The following GRM8 variants were observed in gnomAD, a reference collection of about 807,000 sequenced individuals.
The protein encoded by GRM8 is metabotropic glutamate receptor 8.
A neutral mutation model predicts 87.2 loss-of-function variants in GRM8; 47 were observed. The observed-to-expected ratio is 0.54, with a 90% confidence interval of 0.43 to 0.69. GRM8 has a LOEUF of 0.69. GRM8 is among the 30% of genes least tolerant of loss of function. The pLI, the probability that GRM8 is intolerant of heterozygous loss-of-function variation, is 0.00. For missense variants in GRM8, 1,019 were observed against 1,139.2 expected (o/e 0.89, Z 1.52); for synonymous variants, 396 against 404.5 (o/e 0.98, Z 0.25).
At chr7:126,769,002 C>T (rs1260894617) in intron 7 of GRM8, among the ~76,000 whole-genome samples, 3 of 151,378 alleles carry the variant, frequency 2.0e-5, no homozygotes, top group East Asian at 1.9e-4. Flanking sequence ...TTCTGAGAAA[C>T]GCTGGCAACT....
chr7:127,134,137 G>C (rs1827835350), intron 2 of GRM8, among the ~76,000 whole-genome samples: 1 of 152,138 alleles, frequency 6.6e-6, no homozygotes, highest in South Asian at 2.1e-4. Context: ...GTACATAAAA[G>C]TACTGACTAG....
At chr7:127,244,226 G>T (rs989043234) in intron 1 of GRM8, among the ~76,000 whole-genome samples, 11 of 152,196 alleles carry the variant, frequency 7.2e-5, no homozygotes, top group African/African-American at 2.7e-4. Context: ...ATTTGTCGGT[G>T]TGGGAGCAAT....
At chr7:127,125,019 C>T (rs1365154501) in intron 2 of GRM8, among the ~76,000 whole-genome samples, 5 of 152,050 alleles carry the variant, frequency 3.3e-5, no homozygotes, top group East Asian at 1.9e-4. Flanking sequence ...TGATAATGGA[C>T]ATCTGTTGAA....
At chr7:127,059,344 T>G (rs1216458249) in intron 3 of GRM8, among the ~76,000 whole-genome samples, 56 of 148,556 alleles carry the variant, frequency 3.8e-4, no homozygotes, top group African/African-American at 1.3e-3. Context: ...TTTTTTTTTT[T>G]TGTTTTTTTT....
intron 9 of GRM8, among the ~76,000 whole-genome samples, chr7:126,468,676 A>C (rs1804793341): frequency 6.6e-6 from 1 of 152,090 alleles, no homozygotes; most frequent in Non-Finnish European, 1.5e-5. Flanking sequence ...GTCTGTGTCC[A>C]AAAAAGAAAG....
intron 9 of GRM8, among the ~76,000 whole-genome samples, chr7:126,494,742 C>T (rs1808484087): frequency 6.6e-6 from 1 of 152,030 alleles, no homozygotes; most frequent in Admixed American, 6.6e-5. Context: ...TAGCCACTGC[C>T]ACTGTTAAAA....
intron 7 of GRM8, among the ~76,000 whole-genome samples, chr7:126,690,377 G>A (rs1020769561): frequency 2.6e-5 from 4 of 152,198 alleles, no homozygotes; most frequent in African/African-American, 9.6e-5. Flanking sequence ...GGCAGCTCCA[G>A]GCACCTGCAT....
chr7:126,652,136 C>T (rs530580905), intron 7 of GRM8, among the ~76,000 whole-genome samples: 1 of 152,284 alleles, frequency 6.6e-6, no homozygotes, highest in Admixed American at 6.5e-5. Context: ...GAAATATGTT[C>T]ATTTTATTTC....
At chr7:126,883,544 A>G (rs1488246362) in intron 6 of GRM8, among the ~76,000 whole-genome samples, 1 of 152,220 alleles carries the variant, frequency 6.6e-6, no homozygotes, top group East Asian at 1.9e-4. Flanking sequence ...AATCTCTAAT[A>G]TTCCTTCTAA....
intron 9 of GRM8, among the ~76,000 whole-genome samples, chr7:126,532,427 C>T (rs1814957686): frequency 6.6e-6 from 1 of 152,058 alleles, no homozygotes; most frequent in Non-Finnish European, 1.5e-5. Context: ...TCACTATAAA[C>T]TCTGCTTCCA....
chr7:126,718,548 G>A (rs1812015926), intron 7 of GRM8, among the ~76,000 whole-genome samples: 1 of 152,158 alleles, frequency 6.6e-6, no homozygotes, highest in African/African-American at 2.4e-5. Context: ...ACTTTTCAGG[G>A]TGATGCCTCC....
rs538403014 is a variant in GRM8, at chr7:127,015,001, A to AAAGAAGAAGAAG, written c.727+91483_727+91494dup. On this transcript the variant is annotated intron_variant, in intron 3 of 10. Coordinates refer to ENST00000339582, the MANE Select transcript of GRM8 (RefSeq NM_000845.3). ...GAAGGAGAAGAGGAAGAAGAAGAAG[A>AAAGAAGAAGAAG]AAGAAGAAGAAGAAGAAGAAGAAGA... Among the ~76,000 whole-genome samples the AAAGAAGAAGAAG allele has an allele frequency of 5.4e-3, 324 of 59,678 alleles. 4 individuals carry two copies. Among genetic ancestry groups the AAAGAAGAAGAAG allele is most frequent in the Middle Eastern group, 0.027 (3 of 110 alleles). The allele number at this position is 59,678 out of a possible 152,430, so 39.2% of individuals were successfully genotyped here. A position where few individuals can be genotyped will look rare whatever the true frequency, so the allele number is the denominator to read the frequency against.
In GRM8 at chr7:127,213,912, C is replaced by G. The variant is rs574722539; in HGVS notation, c.510+28783G>C. ...AGCAATTCTACTCCTAGGAATAAAC[C>G]CAACAGGAAAAAACGATAGCCCAAA... On this transcript the variant is annotated intron_variant, in intron 2 of 10. Transcript: ENST00000339582. Among the ~76,000 whole-genome samples, 3 of 152,174 alleles carry G rather than the reference C, an allele frequency of 2.0e-5. No individual in the cohort carries two copies. In the East Asian group the frequency reaches 5.8e-4, roughly 29 times the overall value.
chr7:126,439,825 A>AGTGTGTGTGT (rs57638512), intron 10 of GRM8, among the ~76,000 whole-genome samples: 9,594 of 142,568 alleles, frequency 0.067, 423 homozygotes, highest in African/African-American at 0.12. Context: ...GGCCTAGGCT[A>AGTGTGTGTGT]GTGTGTGTGT....
At chr7:126,647,181 C>T (rs1261166827) in intron 7 of GRM8, among the ~76,000 whole-genome samples, 4 of 152,048 alleles carry the variant, frequency 2.6e-5, no homozygotes, top group Admixed American at 1.3e-4. Flanking sequence ...GCTTGAGCCC[C>T]ACAGCTTAAG....
At chr7:126,642,454 C>A (rs1027417383) in intron 7 of GRM8, among the ~76,000 whole-genome samples, 1 of 151,830 alleles carries the variant, frequency 6.6e-6, no homozygotes, top group African/African-American at 2.4e-5. Flanking sequence ...CTGGCTAACA[C>A]GGTGAAACCC....
intron 3 of GRM8, among the ~76,000 whole-genome samples, chr7:127,025,862 A>T (rs995498214): frequency 6.6e-6 from 1 of 151,890 alleles, no homozygotes; most frequent in Admixed American, 6.6e-5. Flanking sequence ...GGTGATTTAT[A>T]TATATATACT....
intron 2 of GRM8, among the ~76,000 whole-genome samples, chr7:127,204,119 C>CA (rs35407977): frequency 0.15 from 23,354 of 152,168 alleles, 2,282 homozygotes; most frequent in Middle Eastern, 0.21. Context: ...TTAATGTACA[C>CA]AACATTCACT....
chr7:126,504,333 A>G (rs990925279), intron 9 of GRM8, among the ~76,000 whole-genome samples: 1 of 152,100 alleles, frequency 6.6e-6, no homozygotes, highest in African/African-American at 2.4e-5. Context: ...TCCTATTCTC[A>G]TATTAATTCA....
Sources: gnomAD v4.1 joint callset for allele counts (sites outside exome capture counted in the v4.1 genomes callset) on GRCh38, gnomAD v4.1.1 for gene constraint, MANE v1.5 for transcripts, NCBI Gene and HGNC (gene_info 2026-07-23, HGNC 2026-07-21) for gene names.